CST8: variants seen among roughly 807,000 people sequenced by gnomAD.
CST8 encodes the protein cystatin 8, also known as cystatin-8.
Under a neutral mutation model 11.8 loss-of-function variants are expected in CST8, and 20 were observed. That is an observed-to-expected ratio of 1.70 (90% CI 1.20 to 2.47). The LOEUF (loss-of-function observed/expected upper bound fraction) is 2.47, where lower values mean the gene tolerates loss of function less well. CST8 is among the 30% of genes most tolerant of loss of function. CST8 has a pLI of 0.00. For missense variants in CST8, 196 were observed against 167.2 expected, an observed-to-expected ratio of 1.17 and a Z score of -0.95; for synonymous variants, 77 against 63.1, an observed-to-expected ratio of 1.22 and a Z score of -1.05.
In CST8 at chr20:23,491,623, A is replaced by C; in HGVS notation, c.-45A>C. ...CATCCTGCCCACAGCTCCAGCCCTGAGACGACGAGGAGGAGAGTCGACTTT... is the reference window on the plus strand; with the variant it reads ...CATCCTGCCCACAGCTCCAGCCCTGCGACGACGAGGAGGAGAGTCGACTTT... On this transcript the variant is annotated 5_prime_UTR_variant, in exon 2 of 4. Transcript: ENST00000246012. 6.7e-7 allele frequency: 1 copy of C among 1,489,884 alleles called. No individual in the cohort carries two copies. The highest frequency in any genetic ancestry group is 9.4e-7 in the Non-Finnish European group (1 of 1,069,416). 92.3% of individuals were successfully genotyped at this position (1,489,884 alleles called of 1,614,324 possible).
At chr20:23,497,955 G>A (rs917047812), downstream of CST8, among the ~76,000 whole-genome samples, 1 of 152,008 alleles carries the variant, frequency 6.6e-6, no homozygotes, top group African/African-American at 2.4e-5. Flanking sequence ...GTTAGATTGA[G>A]TGTATCTGTT....
Position 23,491,323 on chromosome 20 carries a change from CAA to C in CST8, c.-162_-161del, listed in dbSNP as rs1987872534. On this transcript the variant is annotated 5_prime_UTR_variant, in exon 1 of 4. An upstream open reading frame in the 5' UTR loses its in-frame stop. Transcript: ENST00000246012. The stretch of plus-strand genomic sequence containing the variant: ...TCATACAGGACTGAGAAGCAGATAA[CAA>C]GAGTGACGCTCACAGGGGTAGGCAT... 1 of 305,386 alleles carries C rather than the reference CAA, an allele frequency of 3.3e-6. No homozygotes were observed. Among genetic ancestry groups the C allele is most frequent in the African/African-American group, 2.1e-5 (1 of 46,760 alleles). The allele number at this position is 305,386 out of a possible 1,614,324, so 18.9% of individuals were successfully genotyped here.
chr20:23,499,777 C>T (rs1453020367), downstream of CST8, among the ~76,000 whole-genome samples: 1 of 152,142 alleles, frequency 6.6e-6, no homozygotes, highest in Non-Finnish European at 1.5e-5. Context: ...CAGCTGAGGA[C>T]AATCTTGGGC....
At chr20:23,499,686 C>G (rs1270299751), downstream of CST8, among the ~76,000 whole-genome samples, 1 of 152,194 alleles carries the variant, frequency 6.6e-6, no homozygotes, top group East Asian at 1.9e-4. Context: ...CTCTACCTTG[C>G]TGTCCTCCTT....
In CST8 at chr20:23,491,671, C is replaced by T. The variant is rs1276630995; in HGVS notation, c.4C>T (p.Pro2Ser). The change falls in exon 2 of 4, where the codon CCC becomes TCC. Residue 2 changes from proline (P) to serine (S), a missense_variant. Physicochemically the swap from Pro to Ser is moderately conservative, Grantham distance 74. Transcript: ENST00000246012. ...TTTGCCTCTTGCCCAAGGGACCATGCCCAGGTGCCGGTGGCTCTCCCTGAT... is the reference window on the plus strand; with the variant it reads ...TTTGCCTCTTGCCCAAGGGACCATGTCCAGGTGCCGGTGGCTCTCCCTGAT... M[P>S]RCRWLSLILL... 3 of 1,613,218 alleles carry T rather than the reference C, an allele frequency of 1.9e-6. No homozygotes were observed. The highest frequency in any genetic ancestry group is 2.2e-5 in the East Asian group (1 of 44,846).
the CST8 span, among the ~76,000 whole-genome samples, chr20:23,505,671 A>T: frequency 2.0e-5 from 3 of 152,188 alleles, no homozygotes; most frequent in African/African-American, 7.2e-5. Flanking sequence ...GAACGCCCTT[A>T]CTGAGGTGGA....
chr20:23,492,769 G>T (rs1453008976), intron 2 of CST8, among the ~76,000 whole-genome samples, 189 bp from the exon 3 acceptor site: 2 of 152,278 alleles, frequency 1.3e-5, no homozygotes, highest in Middle Eastern at 3.4e-3. Flanking sequence ...AGCCTATGGA[G>T]TCCTGACTGA....
chr20:23,492,791 A>G (rs1987927489), intron 2 of CST8, among the ~76,000 whole-genome samples, 167 bp from the exon 3 acceptor site: 1 of 152,124 alleles, frequency 6.6e-6, no homozygotes, highest in East Asian at 1.9e-4. Flanking sequence ...CTTGTTGTAC[A>G]CAGGGCTCCA....
intron 2 of CST8, 139 bp downstream of exon 2, chr20:23,492,037 C>T (rs1425757868): frequency 3.0e-6 from 2 of 660,768 alleles, no homozygotes; most frequent in Non-Finnish European, 5.3e-6. Flanking sequence ...TAGACACTTC[C>T]ACAGCATCAA....
chr20:23,503,184 G>T, the CST8 span, among the ~76,000 whole-genome samples: 1 of 152,130 alleles, frequency 6.6e-6, no homozygotes, highest in South Asian at 2.1e-4. Flanking sequence ...ATGCATGAGA[G>T]GGAAATCCAA....
At chr20:23,500,446 AATCCCATCTGCTCACAC>A (rs1188105343), downstream of CST8, among the ~76,000 whole-genome samples, 2 of 152,056 alleles carry the variant, frequency 1.3e-5, no homozygotes, top group African/African-American at 4.8e-5. Flanking sequence ...CACCTAACTT[AATCCCATCTGCTCACAC>A]ATGACCTGGG....
intron 2 of CST8, among the ~76,000 whole-genome samples, chr20:23,492,214 G>T (rs1011666569): frequency 2.6e-5 from 4 of 152,196 alleles, no homozygotes; most frequent in Non-Finnish European, 4.4e-5. Flanking sequence ...ATCTGATAAA[G>T]GTGAGTCCAG....
the CST8 span, among the ~76,000 whole-genome samples, chr20:23,504,390 C>T: frequency 6.6e-6 from 1 of 152,180 alleles, no homozygotes. Context: ...CCTTTAAAAG[C>T]CTGCTTGTAG....
intron 3 of CST8, among the ~76,000 whole-genome samples, chr20:23,493,661 G>A (rs966858476): frequency 6.6e-6 from 1 of 152,212 alleles, no homozygotes; most frequent in Non-Finnish European, 1.5e-5. Flanking sequence ...AACAAAAGGA[G>A]GACTTGGCCC....
chr20:23,495,994 C>T lies in CST8; in HGVS notation c.*80C>T. 1 of 1,117,294 alleles carries T rather than the reference C, an allele frequency of 9.0e-7. No individual in the cohort carries two copies. The highest frequency in any genetic ancestry group is 1.3e-6 in the Non-Finnish European group (1 of 753,742). 69.2% of individuals were successfully genotyped at this position (1,117,294 alleles called of 1,614,324 possible). On this transcript the variant is annotated 3_prime_UTR_variant, in exon 4 of 4. Coordinates refer to ENST00000246012, the MANE Select transcript of CST8 (RefSeq NM_005492.4). ...AGCAATGGCAGGTGGGAGGCTCTTC[C>T]CAATGTGCTTTCTTCATGCATGCCT...
intron 3 of CST8, 136 bp from the exon 4 acceptor site, chr20:23,495,695 G>A (rs149004631): frequency 3.4e-4 from 222 of 657,718 alleles, no homozygotes; most frequent in African/African-American, 2.4e-3. Flanking sequence ...AGATTCCTGG[G>A]AGCTCGCTCG....
chr20:23,494,918 AAGCAC>A (rs2122198357), intron 3 of CST8, among the ~76,000 whole-genome samples: 1 of 152,228 alleles, frequency 6.6e-6, no homozygotes, highest in Admixed American at 6.5e-5. Flanking sequence ...CACAGGTAGT[AAGCAC>A]AGTACCCGAT....
At chr20:23,503,946 C>G in the CST8 span, among the ~76,000 whole-genome samples, 1 of 152,214 alleles carries the variant, frequency 6.6e-6, no homozygotes, top group East Asian at 1.9e-4. Context: ...CATTGCTCAC[C>G]CTGGTGAGAG....
downstream of CST8, among the ~76,000 whole-genome samples, chr20:23,498,258 A>G (rs898288045): frequency 9.2e-5 from 14 of 152,342 alleles, no homozygotes; most frequent in Admixed American, 3.3e-4. Flanking sequence ...ACACTCAAAA[A>G]TAGTTCAGAT....
Sources: gnomAD v4.1 joint callset for allele counts (sites outside exome capture counted in the v4.1 genomes callset) on GRCh38, gnomAD v4.1.1 for gene constraint, MANE v1.5 for transcripts, NCBI Gene and HGNC (gene_info 2026-07-23, HGNC 2026-07-21) for gene names.